Variants in ELFN2 observed in about 807,000 individuals in gnomAD.
ELFN2 encodes the protein extracellular leucine rich repeat and fibronectin type III domain containing 2.
ELFN2 carries 17 observed loss-of-function variants against 45.5 expected under a neutral mutation model. The ratio of observed to expected loss-of-function variants is 0.37; its 90% CI spans 0.26 to 0.56. The LOEUF (loss-of-function observed/expected upper bound fraction) is 0.56. ELFN2 is among the 20% of genes least tolerant of loss of function. ELFN2 has a pLI of 0.77. For synonymous variants in ELFN2, 550 were observed against 551.5 expected (o/e 1.00, Z 0.04); for missense variants, 922 against 1,183.2 (o/e 0.78, Z 3.24).
Position 37,373,458 on chromosome 22 carries a change from C to T in ELFN2, c.2077G>A (p.Gly693Ser), listed in dbSNP as rs747455234. 5 of 1,528,444 alleles carry T rather than the reference C, an allele frequency of 3.3e-6. No individual in the cohort carries two copies. In the South Asian group the frequency reaches 6.1e-5, roughly 19 times the overall value. The allele number at this position is 1,528,444 out of a possible 1,614,324, so 94.7% of individuals were successfully genotyped here. A position where few individuals can be genotyped will look rare whatever the true frequency, so the allele number is the denominator to read the frequency against. Residue 693 changes from glycine to serine, a missense_variant, in exon 3 of 3, where the codon GGC (glycine) becomes AGC (serine). Gly to Ser is a moderately conservative substitution (Grantham distance 56). Coordinates refer to ENST00000402918, the MANE Select transcript of ELFN2 (RefSeq NM_052906.5). ...GSGGGSGGGG[G>S]IHHLEVKPAY... ...GGCTTCACCTCCAGGTGGTGGATGCCCCCGCCCCCGCCGCTGCCCCCGCCG... is the reference window on the plus strand; with the variant it reads ...GGCTTCACCTCCAGGTGGTGGATGCTCCCGCCCCCGCCGCTGCCCCCGCCG...
intron 2 of ELFN2, among the ~76,000 whole-genome samples, chr22:37,388,983 CA>C (rs1932027371): frequency 6.6e-6 from 1 of 152,222 alleles, no homozygotes; most frequent in Non-Finnish European, 1.5e-5. Flanking sequence ...GGAACTCTTT[CA>C]GGGGGAGGTA....
At chr22:37,426,673 G>A (rs969442602) in intron 1 of ELFN2, among the ~76,000 whole-genome samples, 6 of 144,880 alleles carry the variant, frequency 4.1e-5, no homozygotes, top group Non-Finnish European at 6.0e-5. Flanking sequence ...ACACACACCC[G>A]GCAGTGGCCC....
chr22:37,415,515 C>T (rs1352733945), intron 2 of ELFN2, among the ~76,000 whole-genome samples: 1 of 152,216 alleles, frequency 6.6e-6, no homozygotes, highest in Admixed American at 6.5e-5. Context: ...TGTCAGAAGG[C>T]TCTCTGCCTC....
rs533466065 is a variant in ELFN2, at chr22:37,382,141, A to G, written c.-462-6145T>C. Among the ~76,000 whole-genome samples, 20 of 152,208 alleles carry G rather than the reference A, an allele frequency of 1.3e-4. 1 individual carries two copies. The East Asian group carries it at 3.7e-3, about 28-fold the overall frequency. On this transcript the variant is annotated intron_variant, in intron 2 of 2. Coordinates refer to ENST00000402918, the MANE Select transcript of ELFN2 (RefSeq NM_052906.5). ...AACTGAAACTCAGAGAGGTGCAGTGATGCACCCAAGACCACACAGCCAAGA... is the reference window on the plus strand; with the variant it reads ...AACTGAAACTCAGAGAGGTGCAGTGGTGCACCCAAGACCACACAGCCAAGA...
Position 37,372,931 on chromosome 22 carries a change from C to G in ELFN2, c.*141G>C. ...CGGGTGGTGGTCAGGTGTGTGTGTG[C>G]GTGCGTGCGTGCGGGTCTGCATGTG... On this transcript the variant is annotated 3_prime_UTR_variant, in exon 3 of 3. Coordinates refer to ENST00000402918, the MANE Select transcript of ELFN2 (RefSeq NM_052906.5). This position sits in a 1 kb window ranked among gnomAD's most constrained non-coding sequence, Gnocchi z 4.4. 1.3e-6 allele frequency: 1 copy of G among 754,354 alleles called. No individual in the cohort carries two copies. Among genetic ancestry groups the G allele is most frequent in the South Asian group, 2.0e-5 (1 of 49,656 alleles). The allele number at this position is 754,354 out of a possible 1,614,324, so 46.7% of individuals were successfully genotyped here.
chr22:37,398,737 G>A lies in ELFN2; in HGVS notation c.-463+19032C>T, dbSNP rs530856366. Among the ~76,000 whole-genome samples, 11 of 137,140 alleles carry A rather than the reference G, an allele frequency of 8.0e-5. No homozygotes were observed. In the South Asian group the frequency reaches 9.2e-4, roughly 11 times the overall value. The allele number at this position is 137,140 out of a possible 152,430, so 90.0% of individuals were successfully genotyped here. A position where few individuals can be genotyped will look rare whatever the true frequency, so the allele number is the denominator to read the frequency against. On this transcript the variant is annotated intron_variant, in intron 2 of 2. Transcript: ENST00000402918. ...ACAAACTGCTCCCCGCTTCACACAC[G>A]CAGGCGTGCACACACACGCATCTAC...
At chr22:37,393,709 C>G (rs905209169) in intron 2 of ELFN2, among the ~76,000 whole-genome samples, 1 of 152,178 alleles carries the variant, frequency 6.6e-6, no homozygotes, top group Non-Finnish European at 1.5e-5. Context: ...GGCTCTGCAC[C>G]CAGGCCTCGC....
At chr22:37,426,356 G>GCACA (rs133719) in intron 1 of ELFN2, among the ~76,000 whole-genome samples, 28 of 143,570 alleles carry the variant, frequency 2.0e-4, no homozygotes, top group African/African-American at 4.3e-4. Context: ...GCGCGCGCGC[G>GCACA]CACACACACA....
intron 2 of ELFN2, among the ~76,000 whole-genome samples, chr22:37,408,763 T>G (rs1601767280): frequency 6.6e-6 from 1 of 152,190 alleles, no homozygotes; most frequent in Non-Finnish European, 1.5e-5. Flanking sequence ...TGGCTGTGGG[T>G]AGGATCTTTA....
chr22:37,343,406 G>A lies in ELFN2; in HGVS notation n.149-703C>T, dbSNP rs899838830. 3.3e-5 allele frequency among the ~76,000 whole-genome samples: 5 copies of A among 152,120 alleles called. No individual in the cohort carries two copies. In the East Asian group the frequency reaches 9.7e-4, roughly 29 times the overall value. On this transcript the variant is annotated intron_variant and non_coding_transcript_variant, in intron 1 of 2. Transcript: ENST00000452946. ...GGGCACTACACCCTCCCATTTCTTG[G>A]TCTGCTGTGAGGGTTCCCATCTGCT...
rs911271775 is a variant in ELFN2 at position 37,372,927 on chromosome 22, T to TGTGCGTGC, written c.*137_*144dup. On this transcript the variant is annotated 3_prime_UTR_variant, in exon 3 of 3. Transcript: ENST00000402918. The surrounding 1 kb of genome is among the most constrained non-coding windows in gnomAD (Gnocchi z 4.4). ...CAGTCGGGTGGTGGTCAGGTGTGTG[T>TGTGCGTGC]GTGCGTGCGTGCGTGCGGGTCTGCA... The TGTGCGTGC allele has an allele frequency of 3.8e-6, 3 of 799,270 alleles. No individual in the cohort carries two copies. The highest frequency in any genetic ancestry group is 2.7e-5 in the East Asian group (1 of 36,908). 49.5% of individuals were successfully genotyped at this position (799,270 alleles called of 1,614,324 possible).
At chr22:37,355,172 G>GAAAA (rs1930919090) in intron 1 of ELFN2, among the ~76,000 whole-genome samples, 1 of 152,200 alleles carries the variant, frequency 6.6e-6, no homozygotes, top group South Asian at 2.1e-4. Context: ...GTGCTTGCTA[G>GAAAA]CCAGTGGGAG....
rs535748791 is a variant in ELFN2, at chr22:37,395,797, C to T, written c.-462-19801G>A. On this transcript the variant is annotated intron_variant, in intron 2 of 2. Transcript: ENST00000402918. The stretch of plus-strand genomic sequence containing the variant: ...AAAGACCTGCAAAACTAGTGTCTGG[C>T]GTGCAGGGCATCACCAAGGGAGGCC... 2.0e-3 allele frequency among the ~76,000 whole-genome samples: 312 copies of T among 152,212 alleles called. 1 individual carries two copies. The highest frequency in any genetic ancestry group is 3.9e-3 in the Non-Finnish European group (262 of 68,000).
At chr22:37,401,102 G>C (rs1005767516) in intron 2 of ELFN2, among the ~76,000 whole-genome samples, 4 of 152,206 alleles carry the variant, frequency 2.6e-5, no homozygotes, top group Admixed American at 2.0e-4. Flanking sequence ...CGGAACATGC[G>C]GGGGCCGTGG....
chr22:37,358,880 G>C (rs1390646738), intron 1 of ELFN2, among the ~76,000 whole-genome samples: 1 of 152,236 alleles, frequency 6.6e-6, no homozygotes. Context: ...GTCAGTATGA[G>C]ATGAGGGGAA....
chr22:37,377,683 A>G (rs6000703), intron 2 of ELFN2, among the ~76,000 whole-genome samples: 120,017 of 152,130 alleles, frequency 0.79, 47,666 homozygotes, highest in African/African-American at 0.89. Flanking sequence ...GTCAGAGGCC[A>G]TCAGAGGCTG....
At chr22:37,361,866 T>C (rs1005368214) in intron 1 of ELFN2, among the ~76,000 whole-genome samples, 45 of 152,284 alleles carry the variant, frequency 3.0e-4, no homozygotes, top group African/African-American at 1.0e-3. Flanking sequence ...TCAAGCCCCA[T>C]TCTCCGGCCC....
At chr22:37,347,468 C>T (rs969156694) in intron 1 of ELFN2, among the ~76,000 whole-genome samples, 1 of 152,188 alleles carries the variant, frequency 6.6e-6, no homozygotes, top group Non-Finnish European at 1.5e-5. Context: ...CACCTCTGGC[C>T]GTGGAAGCAC....
chr22:37,348,654 G>A (rs1430045516), intron 1 of ELFN2, among the ~76,000 whole-genome samples: 1 of 150,638 alleles, frequency 6.6e-6, no homozygotes, highest in African/African-American at 2.4e-5. Flanking sequence ...CCTGAAGAAT[G>A]GGCTGTCCCA....
Sources: allele counts gnomAD v4.1 joint callset (sites outside exome capture counted in the v4.1 genomes callset), GRCh38; gene constraint gnomAD v4.1.1; non-coding constraint Gnocchi (gnomAD v3.1); transcripts MANE v1.5; gene names NCBI Gene and HGNC (gene_info 2026-07-23, HGNC 2026-07-21).